The following MCM3AP variants were observed in gnomAD, a reference collection of about 807,000 sequenced individuals.
MCM3AP encodes minichromosome maintenance complex component 3 associated protein.
Under a neutral mutation model 184.1 loss-of-function variants are expected in MCM3AP, and 126 were observed. The ratio of observed to expected loss-of-function variants is 0.68; its 90% CI spans 0.59 to 0.79. The LOEUF (loss-of-function observed/expected upper bound fraction) is 0.79, where lower values mean the gene tolerates loss of function less well. Among genes scored for constraint, MCM3AP ranks in the 30% least tolerant of loss-of-function variants. The pLI is 0.00. For missense variants in MCM3AP, 2,496 were observed against 2,479.2 expected (o/e 1.01, Z -0.14); for synonymous variants, 1,002 against 979.3 (o/e 1.02, Z -0.43).
chr21:46,281,048 C>T (rs1241956511), intron 2 of MCM3AP, among the ~76,000 whole-genome samples: 11 of 152,130 alleles, frequency 7.2e-5, no homozygotes, highest in Non-Finnish European at 1.5e-4. Flanking sequence ...TCAGGTGATC[C>T]GCCCACCTTG....
chr21:46,246,481 C>A (rs1373367259), intron 21 of MCM3AP, 77 bp from the exon 22 acceptor site: 3 of 1,372,832 alleles, frequency 2.2e-6, no homozygotes, highest in Non-Finnish European at 1.0e-6. Flanking sequence ...CTGTGCTGAC[C>A]CCACCCAGTC....
At position 46,265,336 on chromosome 21, in the gene MCM3AP, G is replaced by T. The variant is rs988319714; in HGVS notation, c.3219C>A (p.Pro1073=). Residue 1073 remains proline, a synonymous_variant, in exon 12 of 28, where the codon CCC becomes CCA. Transcript: ENST00000291688. ...GAGTCCCTACCTCGTCAGAGTACAT[G>T]GGCACGGGCTCTGGAGGCGGTGGTT... ...QPEPPPPEPV[P]MYSDEDLAQV... 1 of 1,613,902 alleles carries T rather than the reference G, an allele frequency of 6.2e-7. No individual in the cohort carries two copies. Among genetic ancestry groups the T allele is most frequent in the East Asian group, 2.2e-5 (1 of 44,880 alleles).
rs763709281 is a variant in MCM3AP at position 46,272,781 on chromosome 21, C to T, written c.2245G>A (p.Glu749Lys). The change falls in exon 8 of 28, where the codon GAG (glutamate) becomes AAG (lysine). Residue 749 changes from glutamate to lysine, a missense_variant. This residue lies in a region of MCM3AP where 105 missense variants were observed against 97.1 expected (regional missense o/e 1.08). Transcript: ENST00000291688. ...LCDPLTVSLI[E>K]KCTRFHIHCA... ...TGGATGTGAAACCGGGTGCACTTCTCAATCAGGGACACCGTCAGGGGGTCA... is the reference window on the plus strand; with the variant it reads ...TGGATGTGAAACCGGGTGCACTTCTTAATCAGGGACACCGTCAGGGGGTCA... The T allele has an allele frequency of 6.2e-7, 1 of 1,612,108 alleles. No homozygotes were observed. The highest frequency in any genetic ancestry group is 1.7e-5 in the Admixed American group (1 of 59,914).
chr21:46,251,961 C>G (rs1378203228), intron 19 of MCM3AP: 2 of 239,708 alleles, frequency 8.3e-6, no homozygotes, highest in Non-Finnish European at 1.6e-5. Flanking sequence ...ACTTGGCTCA[C>G]CGCAGCAAGC....
chr21:46,264,177 A>G lies in MCM3AP; in HGVS notation c.3275T>C (p.Leu1092Pro). Residue 1092 changes from leucine (L) to proline (P), a missense_variant, in exon 13 of 28, where the codon CTG (leucine) becomes CCG (proline). By Grantham distance (98) the Leu-to-Pro change is moderately conservative (BLOSUM62 -3). This residue lies in a region of MCM3AP where 1,323 missense variants were observed against 1,273.4 expected (regional missense o/e 1.04). Transcript: ENST00000291688. ...GCCAACTTCCTCACAGTCCCTCTGC[A>G]GGGCCTCCTGGATGAGCTCGTCCAC... Reference protein sequence around the residue: ...QVVDELIQEALQRDCEEVGSA... With the variant: ...QVVDELIQEAPQRDCEEVGSA... 1.2e-6 allele frequency: 2 copies of G among 1,613,856 alleles called. No individual in the cohort carries two copies. The highest frequency in any genetic ancestry group is 1.7e-4 in the Middle Eastern group (1 of 5,960).
In MCM3AP at chr21:46,235,576, C is replaced by G. The variant is rs1242297630; in HGVS notation, c.5785-150G>C. 4.4e-5 allele frequency: 28 copies of G among 637,736 alleles called. No homozygotes were observed. The Admixed American group carries it at 7.5e-4, about 17-fold the overall frequency. The allele number at this position is 637,736 out of a possible 1,614,324, so 39.5% of individuals were successfully genotyped here. A position where few individuals can be genotyped will look rare whatever the true frequency, so the allele number is the denominator to read the frequency against. On this transcript the variant is annotated intron_variant, in intron 27 of 27. Coordinates refer to ENST00000291688, the MANE Select transcript of MCM3AP (RefSeq NM_003906.5). The stretch of plus-strand genomic sequence containing the variant: ...GGGAAAAAAATTATCCTTTGTATAT[C>G]CTTCCAGCCTCATTTAGCTCGTACA...
chr21:46,243,451 C>A lies in MCM3AP; in HGVS notation c.5296+14G>T. On this transcript the variant is annotated intron_variant, in intron 24 of 27. Coordinates refer to ENST00000291688, the MANE Select transcript of MCM3AP (RefSeq NM_003906.5). The stretch of plus-strand genomic sequence containing the variant: ...TCGTGAGGAGCTGATCCCATTGCAT[C>A]AAGCTCTAATTACCTGATGTAACAG... The A allele has an allele frequency of 6.3e-7, 1 of 1,590,048 alleles. No homozygotes were observed.
chr21:46,265,549 CAT>C, intron 11 of MCM3AP, 26 bp from the exon 12 acceptor site: 1 of 1,535,994 alleles, frequency 6.5e-7, no homozygotes, highest in South Asian at 1.3e-5. Flanking sequence ...CAGGACAAAA[CAT>C]AGCTGCAGAC....
chr21:46,272,818 C>T lies in MCM3AP; in HGVS notation c.2208G>A (p.Gln736=), dbSNP rs2145695881. The T allele has an allele frequency of 6.3e-7, 1 of 1,593,866 alleles. No individual in the cohort carries two copies. Among genetic ancestry groups the T allele is most frequent in the East Asian group, 2.2e-5 (1 of 44,662 alleles). The change falls in exon 8 of 28, where the codon CAG becomes CAA. Residue 736 remains glutamine, a synonymous_variant. Coordinates refer to ENST00000291688, the MANE Select transcript of MCM3AP (RefSeq NM_003906.5). The stretch of plus-strand genomic sequence containing the variant: ...CCGTCAGGGGGTCACAGAGGTGCTG[C>T]TGCGTGATATCCTGGCCACAGGCGA... ...RTRGIRKDIT[Q]QHLCDPLTVS...
chr21:46,251,858 T>G, intron 19 of MCM3AP, 176 bp from the exon 20 acceptor site: 1 of 432,934 alleles, frequency 2.3e-6, no homozygotes. Flanking sequence ...TGTTTTAAAA[T>G]GGAGCAACGA....
In MCM3AP at chr21:46,285,001, T is replaced by G; in HGVS notation, c.286A>C (p.Thr96Pro). 1 of 1,614,106 alleles carries G rather than the reference T, an allele frequency of 6.2e-7. No individual in the cohort carries two copies. Among genetic ancestry groups the G allele is most frequent in the Admixed American group, 1.7e-5 (1 of 60,008 alleles). ...ACAGATGAACTTGAAGGCCCAGAGG[T>G]AGCCACAAAGGTGGAAGTGTGCTCA... ...GLEHTSTFVA[T>P]SGPSSSSVLG... is the part of the protein sequence containing the mutation. The change falls in exon 1 of 28, where the codon ACC becomes CCC. Residue 96 changes from threonine to proline, a missense_variant. Thr to Pro is a conservative substitution (Grantham distance 38, BLOSUM62 -1). This residue lies in a region of MCM3AP where 800 missense variants were observed against 717.1 expected (regional missense o/e 1.12). Coordinates refer to ENST00000291688, the MANE Select transcript of MCM3AP (RefSeq NM_003906.5).
intron 13 of MCM3AP, among the ~76,000 whole-genome samples, chr21:46,262,029 TGAA>T (rs2081047572): frequency 6.6e-6 from 1 of 152,212 alleles, no homozygotes; most frequent in Admixed American, 6.5e-5. Flanking sequence ...CCAAGCGTTT[TGAA>T]GAAGGGATAT....
intron 4 of MCM3AP, among the ~76,000 whole-genome samples, chr21:46,278,577 C>T (rs1307371635): frequency 6.6e-6 from 1 of 152,204 alleles, no homozygotes; most frequent in African/African-American, 2.4e-5. Context: ...GGGCACTTCA[C>T]ATCACATGCC....
chr21:46,280,205 C>G lies in MCM3AP; in HGVS notation c.1523-68G>C, dbSNP rs2081314508. On this transcript the variant is annotated intron_variant, in intron 3 of 27. Coordinates refer to ENST00000291688, the MANE Select transcript of MCM3AP (RefSeq NM_003906.5). ...TCACCTGGAACTGGATTTTTTCACT[C>G]TGTTTCTAAGAAAGTAATATTATTT... The G allele has an allele frequency of 8.7e-6, 13 of 1,491,980 alleles. No individual in the cohort carries two copies. In the South Asian group the frequency reaches 1.5e-4, roughly 17 times the overall value. The allele number at this position is 1,491,980 out of a possible 1,614,324, so 92.4% of individuals were successfully genotyped here. A position where few individuals can be genotyped will look rare whatever the true frequency, so the allele number is the denominator to read the frequency against.
intron 7 of MCM3AP, among the ~76,000 whole-genome samples, chr21:46,273,162 A>G (rs1441739199): frequency 1.3e-5 from 2 of 152,172 alleles, no homozygotes; most frequent in Non-Finnish European, 2.9e-5. Flanking sequence ...TTCAGTAGAG[A>G]TGGGGTTTAA....
At chr21:46,282,702 G>C (rs17176177) in intron 2 of MCM3AP, among the ~76,000 whole-genome samples, 7,349 of 151,898 alleles carry the variant, frequency 0.048, 422 homozygotes, top group African/African-American at 0.13. Flanking sequence ...CTACTCCGGA[G>C]GCTGAGGCAG....
At chr21:46,243,285 G>C in intron 24 of MCM3AP, 180 bp downstream of exon 24, 1 of 808,822 alleles carries the variant, frequency 1.2e-6, no homozygotes, top group Non-Finnish European at 2.0e-6. Flanking sequence ...GGCTCTACCA[G>C]AAACTTCCTA....
At position 46,283,709 on chromosome 21, in the gene MCM3AP, G is replaced by A; in HGVS notation, c.1349C>T (p.Thr450Ile). ...KNIPDYLNDR[T>I]ILENHFGKIA... is the part of the protein sequence containing the mutation. Reference sequence around the variant, plus strand: ...TTTGCCAAAATGGTTCTCCAGAATGGTCCTGTCGTTGAGGTAGTCAGGGAT... The same window carrying A: ...TTTGCCAAAATGGTTCTCCAGAATGATCCTGTCGTTGAGGTAGTCAGGGAT... The change falls in exon 2 of 28, where the codon ACC becomes ATC. Residue 450 changes from threonine (T) to isoleucine (I), a missense_variant. By Grantham distance (89) the Thr-to-Ile change is moderately conservative. Around this residue, in one of 5 missense-constraint regions of MCM3AP, gnomAD observed 800 missense variants for 717.1 expected, o/e 1.12. Transcript: ENST00000291688. 1 of 1,614,012 alleles carries A rather than the reference G, an allele frequency of 6.2e-7. No individual in the cohort carries two copies. Among genetic ancestry groups the A allele is most frequent in the South Asian group, 1.1e-5 (1 of 91,082 alleles).
intron 26 of MCM3AP, among the ~76,000 whole-genome samples, chr21:46,240,047 G>A (rs751083262): frequency 1.3e-5 from 2 of 152,184 alleles, no homozygotes; most frequent in Non-Finnish European, 2.9e-5. Context: ...AGGGAAGTGG[G>A]ACCAAGACAG....
Sources: allele counts gnomAD v4.1 joint callset (sites outside exome capture counted in the v4.1 genomes callset), GRCh38; gene constraint gnomAD v4.1.1; regional missense constraint gnomAD v4.1.1; transcripts MANE v1.5; gene names NCBI Gene and HGNC (gene_info 2026-07-23, HGNC 2026-07-21).